The following TIAM1 variants were observed in gnomAD, a reference collection of about 807,000 sequenced individuals.
The protein encoded by TIAM1 is TIAM Rac1 associated GEF 1.
Under a neutral mutation model 163.5 loss-of-function variants are expected in TIAM1, and 65 were observed. That is an observed-to-expected ratio of 0.40 (90% CI 0.33 to 0.49). TIAM1 has a LOEUF of 0.49. TIAM1 is among the 20% of genes least tolerant of loss of function. The probability of loss-of-function intolerance (pLI) is 0.77; values close to 1 mark genes in which losing one functional copy is unlikely to be tolerated. For synonymous variants in TIAM1, 833 were observed against 810.1 expected (o/e 1.03, Z -0.48); for missense variants, 1,789 against 2,044.7 (o/e 0.87, Z 2.41).
chr21:31,142,185 G>C (rs1427719779), intron 20 of TIAM1, among the ~76,000 whole-genome samples: 1 of 152,114 alleles, frequency 6.6e-6, no homozygotes, highest in East Asian at 1.9e-4. Context: ...GGAACTGTGA[G>C]TGACAAACTA....
chr21:31,170,907 G>A (rs975949867), intron 15 of TIAM1, among the ~76,000 whole-genome samples: 3 of 151,668 alleles, frequency 2.0e-5, no homozygotes, highest in South Asian at 2.1e-4. Context: ...ATGGTGGCAC[G>A]CACCTATAAT....
intron 2 of TIAM1, among the ~76,000 whole-genome samples, chr21:31,337,483 G>C (rs904989840): frequency 6.9e-6 from 1 of 144,928 alleles, no homozygotes; most frequent in African/African-American, 2.6e-5. Context: ...TGCTCCAAAG[G>C]GTTAATAATT....
chr21:31,503,799 G>C (rs2147454178), intron 1 of TIAM1, among the ~76,000 whole-genome samples: 1 of 150,828 alleles, frequency 6.6e-6, no homozygotes, highest in East Asian at 2.0e-4. Context: ...TGAAAGACCA[G>C]GAGAAACACC....
At position 31,210,453 on chromosome 21, in the gene TIAM1, C is replaced by A. The variant is rs141844632; in HGVS notation, c.2218-238G>T. The stretch of plus-strand genomic sequence containing the variant: ...AGGCAGGCTTCACAACCCACAGCAT[C>A]CATAGGTGATCACGGCATGAATGAG... On this transcript the variant is annotated intron_variant, in intron 10 of 27. Transcript: ENST00000541036. Among the ~76,000 whole-genome samples, 975 of 148,302 alleles carry A rather than the reference C, an allele frequency of 6.6e-3. 3 individuals are homozygous for A. The highest frequency in any genetic ancestry group is 0.023 in the African/African-American group (927 of 39,772).
chr21:31,340,869 GA>G (rs61413047), intron 1 of TIAM1, among the ~76,000 whole-genome samples: 6,892 of 143,224 alleles, frequency 0.048, 389 homozygotes, highest in African/African-American at 0.14. Flanking sequence ...AAACTGAGAG[GA>G]AAAAAAAAAA....
chr21:31,396,119 T>C (rs2077063938), intron 2 of TIAM1, among the ~76,000 whole-genome samples: 1 of 152,198 alleles, frequency 6.6e-6, no homozygotes, highest in Non-Finnish European at 1.5e-5. Context: ...ACAGATACAC[T>C]ATTATTTTCC....
chr21:31,296,666 A>T (rs1569180207), intron 2 of TIAM1, among the ~76,000 whole-genome samples: 1 of 147,086 alleles, frequency 6.8e-6, no homozygotes, highest in Non-Finnish European at 1.5e-5. Flanking sequence ...TTGGACTGGA[A>T]TTTTTTTTTT....
At chr21:31,152,875 C>T in intron 18 of TIAM1, 114 bp from the exon 19 acceptor site, 2 of 1,455,010 alleles carry the variant, frequency 1.4e-6, no homozygotes, top group Non-Finnish European at 1.8e-6. Context: ...AGAATAATCC[C>T]ACTACCAGAG....
intron 6 of TIAM1, among the ~76,000 whole-genome samples, chr21:31,234,360 G>GGGGAAGGAAGGA (rs1421679370): frequency 7.3e-6 from 1 of 137,886 alleles, no homozygotes; most frequent in African/African-American, 3.2e-5. Flanking sequence ...GAGAGGAGGT[G>GGGGAAGGAAGGA]GGGAAGGAAG....
chr21:31,402,242 T>C, intron 2 of TIAM1, among the ~76,000 whole-genome samples: 1 of 151,716 alleles, frequency 6.6e-6, no homozygotes, highest in East Asian at 1.9e-4. Flanking sequence ...AAAATTGGAA[T>C]TGAGACACTG....
chr21:31,505,220 G>C (rs749510591), intron 1 of TIAM1, among the ~76,000 whole-genome samples: 1 of 152,128 alleles, frequency 6.6e-6, no homozygotes, highest in African/African-American at 2.4e-5. Context: ...CTACAAGATA[G>C]AGATCGTGAA....
Position 31,419,814 on chromosome 21 carries a change from G to A in TIAM1, c.-369+44169C>T, listed in dbSNP as rs543431669. On this transcript the variant is annotated intron_variant, in intron 2 of 28. Coordinates refer to the TIAM1 transcript ENST00000286827. ...ACCTGTAATCCCAGCACTTTGGGAG[G>A]TCAAGGCGGGTGGATCACCTGAGGT... Among the ~76,000 whole-genome samples, 11 of 152,296 alleles carry A rather than the reference G, an allele frequency of 7.2e-5. No homozygotes were observed. The South Asian group carries it at 1.7e-3, about 23-fold the overall frequency.
At chr21:31,183,883 C>T (rs868567942) in intron 14 of TIAM1, among the ~76,000 whole-genome samples, 2 of 151,578 alleles carry the variant, frequency 1.3e-5, no homozygotes, top group African/African-American at 2.4e-5. Flanking sequence ...TCAGTAGGGA[C>T]GGGGTTTCAC....
At chr21:31,124,221 A>T (rs2082100449) in intron 27 of TIAM1, 2 of 293,090 alleles carry the variant, frequency 6.8e-6, no homozygotes, top group Admixed American at 5.2e-5. Context: ...CCTCTCCAGA[A>T]AGAGGATGTG....
rs138945169 is a variant in TIAM1, at chr21:31,184,655, G to A, written c.2663-2010C>T. ...TCCCCACCCCCGTGCCACGCAAACC[G>A]GCACACTCGTTGTGATGAAAGAGAT... On this transcript the variant is annotated intron_variant, in intron 14 of 27. Transcript: ENST00000541036. Among the ~76,000 whole-genome samples, 285 of 152,194 alleles carry A rather than the reference G, an allele frequency of 1.9e-3. 2 individuals are homozygous for A. The highest frequency in any genetic ancestry group is 6.9e-4 in the Non-Finnish European group (47 of 68,024).
chr21:31,529,047 G>A (rs889502705), intron 1 of TIAM1, among the ~76,000 whole-genome samples: 6 of 149,504 alleles, frequency 4.0e-5, no homozygotes, highest in South Asian at 2.1e-4. Flanking sequence ...TCAGCCTCCC[G>A]AGTAGCCGGG....
intron 2 of TIAM1, among the ~76,000 whole-genome samples, chr21:31,309,061 C>T (rs565109136): frequency 3.9e-5 from 6 of 152,152 alleles, no homozygotes; most frequent in South Asian, 2.1e-4. Flanking sequence ...CACGATATAC[C>T]GATCAATTCT....
At chr21:31,385,147 C>T (rs752329287) in intron 2 of TIAM1, among the ~76,000 whole-genome samples, 5 of 152,122 alleles carry the variant, frequency 3.3e-5, no homozygotes, top group African/African-American at 1.2e-4. Context: ...CTGCAACCTC[C>T]GCCTCCCAGG....
At chr21:31,455,754 G>A (rs1320733637) in intron 2 of TIAM1, among the ~76,000 whole-genome samples, 1 of 152,166 alleles carries the variant, frequency 6.6e-6, no homozygotes, top group Non-Finnish European at 1.5e-5. Flanking sequence ...TCTAATTGTG[G>A]AAAAATTATC....
Sources: allele counts gnomAD v4.1 joint callset (sites outside exome capture counted in the v4.1 genomes callset), GRCh38; gene constraint gnomAD v4.1.1; transcripts MANE v1.5; gene names NCBI Gene and HGNC (gene_info 2026-07-23, HGNC 2026-07-21).